Variants in UBE2D2 observed in about 807,000 individuals in gnomAD.
The protein encoded by UBE2D2 is ubiquitin conjugating enzyme E2 D2.
UBE2D2 carries 2 observed loss-of-function variants against 24.2 expected under a neutral mutation model. The ratio of observed to expected loss-of-function variants is 0.08; its 90% CI spans 0.03 to 0.26. The LOEUF (loss-of-function observed/expected upper bound fraction) is 0.26. UBE2D2 is among the 10% of genes least tolerant of loss of function. The pLI is 1.00. For synonymous variants in UBE2D2, 58 were observed against 56.5 expected (o/e 1.03, Z -0.12); for missense variants, 44 against 177.6 (o/e 0.25, Z 4.28).
chr5:139,580,538 T>C (rs1028394949), intron 1 of UBE2D2, among the ~76,000 whole-genome samples: 1 of 152,186 alleles, frequency 6.6e-6, no homozygotes, highest in African/African-American at 2.4e-5. Flanking sequence ...CTCGGCTTAC[T>C]GCAACCTCCG....
At chr5:139,603,822 A>C (rs1164645683) in intron 2 of UBE2D2, among the ~76,000 whole-genome samples, 1 of 149,852 alleles carries the variant, frequency 6.7e-6, no homozygotes, top group Non-Finnish European at 1.5e-5. Flanking sequence ...TGGTGGTGGG[A>C]GCTGTAATCC....
intron 5 of UBE2D2, among the ~76,000 whole-genome samples, chr5:139,617,942 A>C (rs1412174516): frequency 6.6e-6 from 1 of 151,720 alleles, no homozygotes; most frequent in African/African-American, 2.4e-5. Context: ...TTGGATGTCA[A>C]GACTCAATCT....
chr5:139,585,024 C>T (rs1391855180), intron 1 of UBE2D2, among the ~76,000 whole-genome samples: 1 of 151,750 alleles, frequency 6.6e-6, no homozygotes, highest in East Asian at 1.9e-4. Context: ...CCTCAGCCTC[C>T]CATGTAGCTG....
intron 1 of UBE2D2, among the ~76,000 whole-genome samples, chr5:139,534,189 T>C (rs1752633692): frequency 6.6e-6 from 1 of 152,002 alleles, no homozygotes. Flanking sequence ...TCCCAGCATT[T>C]TGGGAGGCCC....
In UBE2D2 at chr5:139,617,226, G is replaced by A. The variant is rs968302242; in HGVS notation, c.304+2260G>A. 3.0e-4 allele frequency among the ~76,000 whole-genome samples: 46 copies of A among 151,684 alleles called. 1 individual carries two copies. Among genetic ancestry groups the A allele is most frequent in the Admixed American group, 2.7e-3 (41 of 15,204 alleles). ...GATCTTTACAAATATTGTGAAAATA[G>A]GAAAATACTGTGCTTGAGAAAAGCA... On this transcript the variant is annotated intron_variant, in intron 5 of 6. Coordinates refer to ENST00000398733, the MANE Select transcript of UBE2D2 (RefSeq NM_003339.3).
At chr5:139,563,877 G>T (rs947485985) in intron 1 of UBE2D2, among the ~76,000 whole-genome samples, 33 of 152,198 alleles carry the variant, frequency 2.2e-4, no homozygotes, top group African/African-American at 7.2e-4. Context: ...GGAGCTTGCA[G>T]TGAGCCGAGA....
chr5:139,564,934 C>G (rs1342207092), intron 1 of UBE2D2, among the ~76,000 whole-genome samples: 2 of 151,776 alleles, frequency 1.3e-5, no homozygotes, highest in African/African-American at 4.8e-5. Flanking sequence ...TTTTTCCAAA[C>G]TCTTTGTACC....
Position 139,548,193 on chromosome 5 carries a change from A to AAAAAAAAATAAATAAAT in UBE2D2, c.-64+21584_-64+21585insAAAAATAAATAAATAAA. ...AAAAAAAAAAAAAAAATAAAAAAAA[A>AAAAAAAAATAAATAAAT]AAATAAATAAATAAATAAATAAACG... On this transcript the variant is annotated intron_variant, in intron 1 of 6. Transcript: ENST00000511725. Among the ~76,000 whole-genome samples the AAAAAAAAATAAATAAAT allele has an allele frequency of 1.5e-3, 72 of 47,078 alleles. 3 individuals are homozygous for AAAAAAAAATAAATAAAT. Among genetic ancestry groups the AAAAAAAAATAAATAAAT allele is most frequent in the Non-Finnish European group, 2.1e-3 (54 of 26,336 alleles). 30.9% of individuals were successfully genotyped at this position (47,078 alleles called of 152,430 possible). A position where few individuals can be genotyped will look rare whatever the true frequency, so the allele number is the denominator to read the frequency against.
At chr5:139,592,763 C>T (rs762939427) in intron 1 of UBE2D2, among the ~76,000 whole-genome samples, 1 of 150,802 alleles carries the variant, frequency 6.6e-6, no homozygotes, top group African/African-American at 2.4e-5. Context: ...CCACGATGCC[C>T]GGCTAATTTT....
intron 5 of UBE2D2, among the ~76,000 whole-genome samples, chr5:139,621,551 C>T (rs893410686): frequency 2.0e-5 from 3 of 151,970 alleles, no homozygotes; most frequent in African/African-American, 7.2e-5. Flanking sequence ...GTGGTGCCTG[C>T]CACTGGAAAA....
chr5:139,550,612 C>T (rs150208844), intron 1 of UBE2D2, among the ~76,000 whole-genome samples: 149 of 152,198 alleles, frequency 9.8e-4, no homozygotes, highest in African/African-American at 3.3e-3. Context: ...TAACTTGCTG[C>T]TGCTCATTCT....
chr5:139,549,020 T>C (rs988653376), intron 1 of UBE2D2, among the ~76,000 whole-genome samples: 2 of 152,054 alleles, frequency 1.3e-5, no homozygotes, highest in African/African-American at 2.4e-5. Flanking sequence ...AGCTAATTTT[T>C]TGTATTTTTA....
intron 1 of UBE2D2, among the ~76,000 whole-genome samples, chr5:139,598,852 C>T (rs912202767): frequency 2.0e-5 from 3 of 150,298 alleles, no homozygotes; most frequent in East Asian, 2.0e-4. Context: ...TGTGAGCCAT[C>T]GCTCCTGGGA....
chr5:139,566,372 A>G (rs984409897), intron 1 of UBE2D2, among the ~76,000 whole-genome samples: 3 of 149,732 alleles, frequency 2.0e-5, no homozygotes, highest in Admixed American at 1.3e-4. Flanking sequence ...TGAAATAAAG[A>G]TTTCAGGTCA....
chr5:139,604,814 AG>A (rs1754161630), intron 2 of UBE2D2, among the ~76,000 whole-genome samples: 1 of 151,530 alleles, frequency 6.6e-6, no homozygotes, highest in African/African-American at 2.4e-5. Context: ...CAGAAGTTTG[AG>A]GCTGCAGTGA....
chr5:139,570,235 C>T (rs1753321309), intron 1 of UBE2D2, among the ~76,000 whole-genome samples: 1 of 152,174 alleles, frequency 6.6e-6, no homozygotes, highest in African/African-American at 2.4e-5. Flanking sequence ...CATACCACTG[C>T]ACTCCAGCCT....
chr5:139,623,887 T>C (rs440662), intron 6 of UBE2D2, among the ~76,000 whole-genome samples: 62,460 of 151,786 alleles, frequency 0.41, 15,810 homozygotes, highest in African/African-American at 0.72. Flanking sequence ...TAGAGACTTT[T>C]ACCATGTTGG....
chr5:139,572,295 T>A (rs924222044), intron 1 of UBE2D2, among the ~76,000 whole-genome samples: 16 of 152,178 alleles, frequency 1.1e-4, no homozygotes, highest in Non-Finnish European at 1.5e-4. Context: ...TCATGCATAC[T>A]TGTATTAAAA....
chr5:139,566,800 T>TAACC (rs1254320885), intron 1 of UBE2D2, among the ~76,000 whole-genome samples: 2 of 152,096 alleles, frequency 1.3e-5, no homozygotes, highest in East Asian at 3.9e-4. Context: ...GGGCAACTGC[T>TAACC]AACCAGCTCC....
Sources: gnomAD v4.1 joint callset for allele counts (sites outside exome capture counted in the v4.1 genomes callset) on GRCh38, gnomAD v4.1.1 for gene constraint, MANE v1.5 for transcripts, NCBI Gene and HGNC (gene_info 2026-07-23, HGNC 2026-07-21) for gene names.